The following IL23R variants were observed in gnomAD, a reference collection of about 807,000 sequenced individuals.
The protein encoded by IL23R is interleukin-23 receptor.
IL23R carries 34 observed loss-of-function variants against 56.9 expected under a neutral mutation model. The ratio of observed to expected loss-of-function variants is 0.60; its 90% CI spans 0.45 to 0.80. The LOEUF (loss-of-function observed/expected upper bound fraction) is 0.80. Among genes scored for constraint, IL23R ranks in the 30% least tolerant of loss-of-function variants. The pLI, the probability that IL23R is intolerant of heterozygous loss-of-function variation, is 0.00. For missense variants in IL23R, 635 were observed against 730.0 expected (o/e 0.87, Z 1.50); for synonymous variants, 230 against 249.2 (o/e 0.92, Z 0.73).
upstream of IL23R, among the ~76,000 whole-genome samples, chr1:67,165,117 G>A (rs1012109047): frequency 6.6e-6 from 1 of 152,144 alleles, no homozygotes; most frequent in African/African-American, 2.4e-5. Context: ...GCTGAAATGG[G>A]AGGATCACCT....
chr1:67,236,512 C>T (rs971427738), intron 7 of IL23R, among the ~76,000 whole-genome samples: 5 of 152,180 alleles, frequency 3.3e-5, no homozygotes, highest in Admixed American at 6.5e-5. Context: ...AGTGTTTCCT[C>T]CTTTGAGATT....
At chr1:67,177,873 G>T (rs1647032544) in intron 3 of IL23R, among the ~76,000 whole-genome samples, 1 of 151,002 alleles carries the variant, frequency 6.6e-6, no homozygotes, top group Non-Finnish European at 1.5e-5. Flanking sequence ...ATTAAATAGG[G>T]AATCCTTTCC....
intron 1 of IL23R, among the ~76,000 whole-genome samples, chr1:67,146,785 G>A (rs1453379117): frequency 6.6e-6 from 1 of 152,322 alleles, no homozygotes; most frequent in Non-Finnish European, 1.5e-5. Context: ...GTAAATCTAA[G>A]ACTAGAGACA....
rs111872264 is a variant in IL23R, at chr1:67,152,086, A to G, written c.-634+12925A>G. ...TATTTTCACAATATTGATTCTTCCT[A>G]TCCATGAGGATGGAATGTTTTTCCA... On this transcript the variant is annotated intron_variant, in intron 1 of 10. Coordinates refer to the IL23R transcript ENST00000637002. 2.4e-3 allele frequency among the ~76,000 whole-genome samples: 367 copies of G among 152,306 alleles called. 1 individual carries two copies. The highest frequency in any genetic ancestry group is 8.4e-3 in the African/African-American group (349 of 41,558).
chr1:67,174,853 G>A (rs962151145), intron 3 of IL23R, among the ~76,000 whole-genome samples: 2 of 152,054 alleles, frequency 1.3e-5, no homozygotes, highest in Admixed American at 6.6e-5. Flanking sequence ...TTCTTAAATA[G>A]ACTAAAGACT....
chr1:67,210,540 G>A (rs965552011), intron 6 of IL23R, among the ~76,000 whole-genome samples: 2 of 151,592 alleles, frequency 1.3e-5, no homozygotes, highest in African/African-American at 2.4e-5. Context: ...ATAGCTCACT[G>A]CAGCCACAAC....
intron 1 of IL23R, among the ~76,000 whole-genome samples, chr1:67,142,172 ACATACAACTGAGT>A: frequency 6.6e-6 from 1 of 152,126 alleles, no homozygotes; most frequent in South Asian, 2.1e-4. Flanking sequence ...GGTTTTTCTT[ACATACAACTGAGT>A]TTTCACTTAC....
At chr1:67,225,991 A>G (rs1201237285) in intron 7 of IL23R, among the ~76,000 whole-genome samples, 3 of 152,244 alleles carry the variant, frequency 2.0e-5, no homozygotes, top group Non-Finnish European at 4.4e-5. Flanking sequence ...CAGAGTGGAT[A>G]TGATTGCCCA....
intron 6 of IL23R, among the ~76,000 whole-genome samples, chr1:67,216,682 T>TA (rs1649856495): frequency 6.6e-6 from 1 of 152,048 alleles, no homozygotes; most frequent in Admixed American, 6.6e-5. Context: ...AGTCTTTTTT[T>TA]AAAAAAAATT....
chr1:67,183,854 C>A (rs376043712), intron 4 of IL23R, among the ~76,000 whole-genome samples: 1 of 152,146 alleles, frequency 6.6e-6, no homozygotes, highest in East Asian at 1.9e-4. Context: ...AAAGGATTTT[C>A]AGTTTTAAAA....
At chr1:67,220,358 G>T (rs775160013) in intron 7 of IL23R, among the ~76,000 whole-genome samples, 7 of 151,196 alleles carry the variant, frequency 4.6e-5, no homozygotes, top group Non-Finnish European at 7.4e-5. Flanking sequence ...AAGAGAGAGA[G>T]ACTTGGTCTC....
intron 1 of IL23R, among the ~76,000 whole-genome samples, chr1:67,141,786 G>C (rs910112645): frequency 6.6e-6 from 1 of 152,032 alleles, no homozygotes; most frequent in South Asian, 2.1e-4. Context: ...CCGTGGGATT[G>C]AGGAGGAATT....
chr1:67,243,841 G>A (rs1292458719), intron 9 of IL23R, among the ~76,000 whole-genome samples: 1 of 151,986 alleles, frequency 6.6e-6, no homozygotes, highest in East Asian at 1.9e-4. Flanking sequence ...GGGATTGCTG[G>A]GTCAAATGGT....
chr1:67,250,036 G>A (rs1652507691), intron 9 of IL23R, among the ~76,000 whole-genome samples: 1 of 152,012 alleles, frequency 6.6e-6, no homozygotes. Context: ...ATGTATTCAA[G>A]CCTTTAGCTT....
intron 4 of IL23R, among the ~76,000 whole-genome samples, chr1:67,191,303 A>G (rs1647722465): frequency 6.6e-6 from 1 of 152,202 alleles, no homozygotes; most frequent in African/African-American, 2.4e-5. Context: ...GAGAAATACC[A>G]CAGCCTCCCT....
chr1:67,243,776 G>A (rs370082557), intron 9 of IL23R, among the ~76,000 whole-genome samples: 1 of 152,226 alleles, frequency 6.6e-6, no homozygotes, highest in Admixed American at 6.5e-5. Flanking sequence ...ACATACATGT[G>A]CATGTGTCTT....
chr1:67,243,880 G>A (rs1652021658), intron 9 of IL23R, among the ~76,000 whole-genome samples: 1 of 152,068 alleles, frequency 6.6e-6, no homozygotes, highest in African/African-American at 2.4e-5. Context: ...TTGAGGAATT[G>A]CCACACTGTC....
chr1:67,194,146 A>G (rs1304585424), intron 4 of IL23R, among the ~76,000 whole-genome samples: 1 of 152,246 alleles, frequency 6.6e-6, no homozygotes, highest in East Asian at 1.9e-4. Flanking sequence ...TCATATGTTC[A>G]GATATCTGGA....
chr1:67,177,569 G>A (rs1647028141), intron 3 of IL23R, among the ~76,000 whole-genome samples: 1 of 151,732 alleles, frequency 6.6e-6, no homozygotes, highest in Admixed American at 6.6e-5. Flanking sequence ...TCTGTAGGTT[G>A]CCTGTTCACT....
Sources: gnomAD v4.1 joint callset for allele counts (sites outside exome capture counted in the v4.1 genomes callset) on GRCh38, gnomAD v4.1.1 for gene constraint, MANE v1.5 for transcripts, NCBI Gene and HGNC (gene_info 2026-07-23, HGNC 2026-07-21) for gene names.